TBC1D32: variants seen among roughly 807,000 people sequenced by gnomAD.
The protein encoded by TBC1D32 is protein broad-minded.
A neutral mutation model predicts 170.3 loss-of-function variants in TBC1D32; 151 were observed. That is an observed-to-expected ratio of 0.89 (90% confidence interval 0.78 to 1.01). TBC1D32 has a LOEUF of 1.01. Among genes scored for constraint, TBC1D32 ranks in the 50% least tolerant of loss-of-function variants. The pLI is 0.00. For missense variants in TBC1D32, 1,464 were observed against 1,457.1 expected, an observed-to-expected ratio of 1.00 and a Z score of -0.08; for synonymous variants, 498 against 488.0, an observed-to-expected ratio of 1.02 and a Z score of -0.27.
intron 22 of TBC1D32, among the ~76,000 whole-genome samples, chr6:121,177,780 C>A (rs1787973941): frequency 6.6e-6 from 1 of 152,042 alleles, no homozygotes; most frequent in Admixed American, 6.5e-5. Flanking sequence ...TGGGCCCTAC[C>A]CCCAAGATAT....
intron 9 of TBC1D32, among the ~76,000 whole-genome samples, chr6:121,301,942 T>C (rs1806548215): frequency 6.6e-6 from 1 of 152,126 alleles, no homozygotes; most frequent in Non-Finnish European, 1.5e-5. Flanking sequence ...GAATACAATT[T>C]TTAATTAAAC....
At chr6:121,119,581 A>C (rs2128205624) in intron 26 of TBC1D32, among the ~76,000 whole-genome samples, 1 of 152,278 alleles carries the variant, frequency 6.6e-6, no homozygotes, top group South Asian at 2.1e-4. Flanking sequence ...CATTTAATTT[A>C]TCATTTCAAA....
intron 20 of TBC1D32, 107 bp downstream of exon 20, chr6:121,238,963 T>C (rs1280272339): frequency 1.3e-5 from 7 of 519,914 alleles, no homozygotes; most frequent in Middle Eastern, 9.5e-4. Context: ...GAAATAAATA[T>C]ATTAAAAAGT....
intron 15 of TBC1D32, among the ~76,000 whole-genome samples, chr6:121,260,073 A>C (rs1029157711): frequency 4.6e-5 from 7 of 152,158 alleles, no homozygotes; most frequent in African/African-American, 9.7e-5. Flanking sequence ...GGAATCCCTT[A>C]AGAACAAAGG....
rs552733825 is a variant in TBC1D32, at chr6:121,121,532, C to A, written c.2983+4846G>T. ...TGCCCCTTAAGTATTGGATATTCAT[C>A]CGTGGAAAACTTCATTTCTGTACTC... On this transcript the variant is annotated intron_variant, in intron 26 of 31. Coordinates refer to ENST00000398212, the MANE Select transcript of TBC1D32 (RefSeq NM_152730.6). Among the ~76,000 whole-genome samples the A allele has an allele frequency of 6.6e-5, 10 of 152,040 alleles. No homozygotes were observed. In the South Asian group the frequency reaches 2.1e-3, roughly 32 times the overall value.
intron 20 of TBC1D32, among the ~76,000 whole-genome samples, chr6:121,233,988 TA>T (rs1220050942): frequency 1.3e-5 from 2 of 152,190 alleles, no homozygotes; most frequent in African/African-American, 4.8e-5. Context: ...TTTTACTGGA[TA>T]AAAAATTCTG....
intron 22 of TBC1D32, among the ~76,000 whole-genome samples, chr6:121,185,664 T>G (rs572750297): frequency 1.3e-5 from 2 of 152,064 alleles, no homozygotes; most frequent in East Asian, 1.9e-4. Context: ...AAAAATGCCT[T>G]CTTACACCAT....
intron 10 of TBC1D32, among the ~76,000 whole-genome samples, chr6:121,295,706 A>G (rs998597492): frequency 6.6e-6 from 1 of 152,186 alleles, no homozygotes; most frequent in African/African-American, 2.4e-5. Context: ...TGATTAATTA[A>G]GCTTTAGATA....
chr6:121,135,923 A>G (rs1016511388), intron 24 of TBC1D32, among the ~76,000 whole-genome samples: 3 of 152,140 alleles, frequency 2.0e-5, no homozygotes, highest in Non-Finnish European at 4.4e-5. Context: ...AGTCAAGCTG[A>G]TCCACAAGCA....
At position 121,103,031 on chromosome 6, in the gene TBC1D32, G is replaced by C. The variant is rs566323932; in HGVS notation, c.3465+2992C>G. On this transcript the variant is annotated intron_variant, in intron 30 of 31. Transcript: ENST00000398212. ...GAGAAATGCAAATCAAAACCACAAT[G>C]AGATACCATCTCATGCCAGTTAGAA... Among the ~76,000 whole-genome samples, 7 of 152,224 alleles carry C rather than the reference G, an allele frequency of 4.6e-5. No homozygotes were observed. In the East Asian group the frequency reaches 1.4e-3, roughly 29 times the overall value.
intron 2 of TBC1D32, among the ~76,000 whole-genome samples, chr6:121,318,755 AATG>A (rs889695256): frequency 6.7e-6 from 1 of 150,260 alleles, no homozygotes; most frequent in African/African-American, 2.4e-5. Context: ...ATATATCCAA[AATG>A]ATAATAAATA....
chr6:121,184,903 A>C (rs1421750466), intron 22 of TBC1D32, among the ~76,000 whole-genome samples: 1 of 152,088 alleles, frequency 6.6e-6, no homozygotes, highest in Non-Finnish European at 1.5e-5. Context: ...CGACCTATCC[A>C]TGAAAGGGAT....
chr6:121,170,396 C>G (rs747598565), intron 22 of TBC1D32: 19 of 1,593,364 alleles, frequency 1.2e-5, no homozygotes, highest in Non-Finnish European at 1.5e-5. Context: ...TTTAATCACC[C>G]ATTTTTACCT....
chr6:121,176,747 C>T (rs769117370), intron 22 of TBC1D32, among the ~76,000 whole-genome samples: 83 of 152,150 alleles, frequency 5.5e-4, no homozygotes, highest in African/African-American at 1.8e-3. Context: ...TACAGGCACG[C>T]GCCACCACGC....
intron 9 of TBC1D32, among the ~76,000 whole-genome samples, chr6:121,300,695 T>C (rs753513177): frequency 7.9e-5 from 12 of 152,130 alleles, no homozygotes; most frequent in Non-Finnish European, 1.8e-4. Flanking sequence ...AAATGGGACC[T>C]GATTAAACTA....
chr6:121,294,559 A>G lies in TBC1D32; in HGVS notation c.1231+11T>C. On this transcript the variant is annotated intron_variant, in intron 11 of 31. Transcript: ENST00000398212. ...TTTTTAAAAGTATGTAATAGAGGAA[A>G]TAATACTTACTGCAATGCTTTGAAT... The G allele has an allele frequency of 1.3e-6, 2 of 1,592,790 alleles. No individual in the cohort carries two copies. Among genetic ancestry groups the G allele is most frequent in the Non-Finnish European group, 1.7e-6 (2 of 1,166,930 alleles).
rs1457143472 is a variant in TBC1D32 at position 121,080,698 on chromosome 6, C to G, written c.*73G>C. 5 of 1,512,736 alleles carry G rather than the reference C, an allele frequency of 3.3e-6. No homozygotes were observed. The highest frequency in any genetic ancestry group is 3.5e-6 in the Non-Finnish European group (4 of 1,128,704). 93.7% of individuals were successfully genotyped at this position (1,512,736 alleles called of 1,614,324 possible). ...CACAAAGTAAATGTTGTTACAGACA[C>G]AGAAAAACATCAAGCCCCCCTGCTG... On this transcript the variant is annotated 3_prime_UTR_variant, in exon 32 of 32. Coordinates refer to ENST00000398212, the MANE Select transcript of TBC1D32 (RefSeq NM_152730.6).
chr6:121,090,619 A>G (rs916704389), intron 31 of TBC1D32, among the ~76,000 whole-genome samples: 6 of 152,186 alleles, frequency 3.9e-5, no homozygotes, highest in Admixed American at 3.3e-4. Flanking sequence ...GTGGGTTACA[A>G]AGTGTTGGAT....
chr6:121,245,860 A>G (rs1369707726), intron 17 of TBC1D32, among the ~76,000 whole-genome samples: 2 of 152,122 alleles, frequency 1.3e-5, no homozygotes, highest in East Asian at 3.9e-4. Context: ...ACACTGGAAC[A>G]GTTGTGAGGC....
Sources: gnomAD v4.1 joint callset for allele counts (sites outside exome capture counted in the v4.1 genomes callset) on GRCh38, gnomAD v4.1.1 for gene constraint, MANE v1.5 for transcripts, NCBI Gene and HGNC (gene_info 2026-07-23, HGNC 2026-07-21) for gene names.